THNSL1: variants seen among roughly 807,000 people sequenced by gnomAD.
THNSL1 encodes threonine synthase like 1.
In THNSL1, 48 loss-of-function variants were observed where a neutral mutation model predicts 50.4. The observed-to-expected ratio is 0.95, with a 90% CI of 0.76 to 1.21. The LOEUF is 1.21. Among genes scored for constraint, THNSL1 ranks in the 50% most tolerant of loss-of-function variants. The probability of loss-of-function intolerance (pLI) is 0.00; values close to 1 mark genes in which losing one functional copy is unlikely to be tolerated. For synonymous variants in THNSL1, 309 were observed against 306.1 expected, an observed-to-expected ratio of 1.01 and a Z score of -0.10; for missense variants, 896 against 871.7, an observed-to-expected ratio of 1.03 and a Z score of -0.35.
At chr10:24,952,449 G>T in the THNSL1 span, 1 of 1,468,768 alleles carries the variant, frequency 6.8e-7, no homozygotes, top group Non-Finnish European at 9.3e-7. This position sits in a 1 kb window ranked among gnomAD's most constrained non-coding sequence, Gnocchi z 5.1. Context: ...CCGACGCACG[G>T]CAAGCATTTA....
At chr10:24,977,231 C>T in the THNSL1 span, among the ~76,000 whole-genome samples, 1 of 152,078 alleles carries the variant, frequency 6.6e-6, no homozygotes, top group Admixed American at 6.5e-5. Flanking sequence ...AGGTGTAATT[C>T]TTCTATAGAT....
chr10:25,013,748 G>T (rs1850503374), upstream of THNSL1, among the ~76,000 whole-genome samples: 1 of 152,132 alleles, frequency 6.6e-6, no homozygotes, highest in Non-Finnish European at 1.5e-5. Flanking sequence ...GTCAAGACCA[G>T]CCTGGCCACC....
the THNSL1 span, among the ~76,000 whole-genome samples, chr10:25,007,348 T>A: frequency 6.6e-6 from 1 of 152,242 alleles, no homozygotes; most frequent in Non-Finnish European, 1.5e-5. Flanking sequence ...TCAACATTTT[T>A]ATGTATATAT....
chr10:24,970,432 G>A, the THNSL1 span, among the ~76,000 whole-genome samples: 1 of 152,196 alleles, frequency 6.6e-6, no homozygotes, highest in Non-Finnish European at 1.5e-5. Flanking sequence ...TATCCAGGAA[G>A]GGTGTGGTGA....
At chr10:24,955,476 C>T in the THNSL1 span, among the ~76,000 whole-genome samples, 1 of 152,146 alleles carries the variant, frequency 6.6e-6, no homozygotes, top group Non-Finnish European at 1.5e-5. Context: ...AAAATGGAGC[C>T]ACCCATTTAT....
chr10:24,973,835 C>A, the THNSL1 span, among the ~76,000 whole-genome samples: 4 of 152,080 alleles, frequency 2.6e-5, no homozygotes, highest in Non-Finnish European at 5.9e-5. Flanking sequence ...CTCACTGCAA[C>A]CTCCGCTCCC....
At chr10:24,966,610 TG>T in the THNSL1 span, among the ~76,000 whole-genome samples, 1 of 152,214 alleles carries the variant, frequency 6.6e-6, no homozygotes, top group Non-Finnish European at 1.5e-5. Context: ...GGATGGAATA[TG>T]GTACAAGAAG....
At chr10:25,019,728 C>G (rs1326604660) in intron 1 of THNSL1, among the ~76,000 whole-genome samples, 1 of 152,192 alleles carries the variant, frequency 6.6e-6, no homozygotes, top group African/African-American at 2.4e-5. Flanking sequence ...CAATATCCCT[C>G]TCAATGCTTA....
At chr10:24,956,081 A>T in the THNSL1 span, among the ~76,000 whole-genome samples, 1 of 152,126 alleles carries the variant, frequency 6.6e-6, no homozygotes, top group South Asian at 2.1e-4. Flanking sequence ...AAATAATGAG[A>T]TTTTTCATAA....
chr10:25,022,669 A>G (rs1286027594), intron 2 of THNSL1, among the ~76,000 whole-genome samples: 2 of 152,202 alleles, frequency 1.3e-5, no homozygotes, highest in African/African-American at 4.8e-5. Context: ...TATGAGTAAT[A>G]TAGTCTGTCA....
the THNSL1 span, among the ~76,000 whole-genome samples, chr10:24,981,374 G>A: frequency 6.6e-6 from 1 of 152,152 alleles, no homozygotes; most frequent in Non-Finnish European, 1.5e-5. Flanking sequence ...GAGTAACTTA[G>A]GAAGTATTGC....
chr10:24,985,100 A>C, the THNSL1 span, among the ~76,000 whole-genome samples: 9 of 152,150 alleles, frequency 5.9e-5, no homozygotes, highest in Non-Finnish European at 1.3e-4. Context: ...CCCATCCTTG[A>C]CTGTGTGCTC....
At chr10:25,017,972 A>G (rs1678763944) in intron 1 of THNSL1, among the ~76,000 whole-genome samples, 2 of 152,220 alleles carry the variant, frequency 1.3e-5, no homozygotes, top group African/African-American at 4.8e-5. Flanking sequence ...GAACACCTTG[A>G]GACTATTTGT....
chr10:24,952,522 A>C, the THNSL1 span: 1 of 1,584,910 alleles, frequency 6.3e-7, no homozygotes, highest in Non-Finnish European at 8.6e-7. This position sits in a 1 kb window ranked among gnomAD's most constrained non-coding sequence, Gnocchi z 5.1. Context: ...GGGAGTTTGC[A>C]TTTACCACGA....
chr10:25,008,298 A>C, the THNSL1 span, among the ~76,000 whole-genome samples: 8 of 152,326 alleles, frequency 5.3e-5, no homozygotes, highest in African/African-American at 1.9e-4. Flanking sequence ...TAAGTTAATT[A>C]AAAAGGGTTA....
chr10:25,003,240 G>C, the THNSL1 span, among the ~76,000 whole-genome samples: 4,200 of 151,658 alleles, frequency 0.028, 132 homozygotes, highest in African/African-American at 0.074. Flanking sequence ...GGAGTGCAGT[G>C]GTGTTGCCCA....
chr10:24,985,932 G>T, the THNSL1 span, among the ~76,000 whole-genome samples: 1 of 152,176 alleles, frequency 6.6e-6, no homozygotes, highest in African/African-American at 2.4e-5. Flanking sequence ...GCCAGGTGTG[G>T]TAGCATGGGC....
At chr10:24,956,536 A>G in the THNSL1 span, among the ~76,000 whole-genome samples, 136 of 151,458 alleles carry the variant, frequency 9.0e-4, no homozygotes, top group African/African-American at 3.3e-3. Flanking sequence ...CTGACACATA[A>G]TAGTTATACA....
chr10:24,968,409 C>T, the THNSL1 span, among the ~76,000 whole-genome samples: 1 of 152,110 alleles, frequency 6.6e-6, no homozygotes, highest in African/African-American at 2.4e-5. Flanking sequence ...TAGGAATCTA[C>T]CAATCTTCAA....
Sources: allele counts gnomAD v4.1 joint callset (sites outside exome capture counted in the v4.1 genomes callset), GRCh38; gene constraint gnomAD v4.1.1; non-coding constraint Gnocchi (gnomAD v3.1); transcripts MANE v1.5; gene names NCBI Gene and HGNC (gene_info 2026-07-23, HGNC 2026-07-21).